TRHDE: variants seen among roughly 807,000 people sequenced by gnomAD.
TRHDE encodes thyrotropin-releasing hormone-degrading ectoenzyme.
TRHDE carries 72 observed loss-of-function variants against 125.7 expected under a neutral mutation model. The ratio of observed to expected loss-of-function variants is 0.57; its 90% confidence interval spans 0.47 to 0.70. TRHDE has a LOEUF of 0.70. TRHDE is among the 30% of genes least tolerant of loss of function. The pLI is 0.00. For missense variants in TRHDE, 1,110 were observed against 1,327.1 expected (o/e 0.84, Z 2.54); for synonymous variants, 509 against 509.1 (o/e 1.00, Z 0.00).
chr12:72,473,295 CAAT>C, intron 5 of TRHDE, 115 bp downstream of exon 5: 2 of 706,004 alleles, frequency 2.8e-6, no homozygotes, highest in Non-Finnish European at 4.7e-6. Flanking sequence ...GAAAATGTAT[CAAT>C]AAAGTGTAAC....
intron 2 of TRHDE, among the ~76,000 whole-genome samples, chr12:72,325,980 C>T (rs1322613345): frequency 6.6e-6 from 1 of 152,056 alleles, no homozygotes; most frequent in Non-Finnish European, 1.5e-5. Context: ...TCTTGTGGCA[C>T]CACTCAAAAC....
rs1555168852 is a variant in TRHDE at position 72,210,199 on chromosome 12, T to TATCTATC, written n.279+104448_279+104454dup. On this transcript the variant is annotated intron_variant and non_coding_transcript_variant, in intron 2 of 4. Transcript: ENST00000548156. The stretch of plus-strand genomic sequence containing the variant: ...CTATCTATCTATCTATCTATCTATC[T>TATCTATC]ATCTATCTACTTTCTGATAAAGTAG... Among the ~76,000 whole-genome samples, 768 of 151,978 alleles carry TATCTATC rather than the reference T, an allele frequency of 5.1e-3. 2 individuals are homozygous for TATCTATC. Among genetic ancestry groups the TATCTATC allele is most frequent in the African/African-American group, 0.016 (674 of 41,378 alleles).
chr12:72,471,445 G>C (rs1395194533), intron 4 of TRHDE, among the ~76,000 whole-genome samples: 1 of 152,186 alleles, frequency 6.6e-6, no homozygotes, highest in Non-Finnish European at 1.5e-5. Context: ...CACCGATAAT[G>C]TGTAATTGTT....
At chr12:72,427,748 A>G (rs1368921648) in intron 3 of TRHDE, among the ~76,000 whole-genome samples, 1 of 152,164 alleles carries the variant, frequency 6.6e-6, no homozygotes, top group African/African-American at 2.4e-5. Context: ...ATAATCTGCC[A>G]TCTGAGATTG....
chr12:72,421,759 A>G (rs190958921), intron 3 of TRHDE, among the ~76,000 whole-genome samples: 2 of 152,296 alleles, frequency 1.3e-5, no homozygotes, highest in Non-Finnish European at 2.9e-5. Context: ...TAAAGTGGAA[A>G]CATCTAGGAA....
At chr12:72,550,128 A>C (rs920373001) in intron 7 of TRHDE, among the ~76,000 whole-genome samples, 5 of 151,944 alleles carry the variant, frequency 3.3e-5, no homozygotes, top group African/African-American at 7.2e-5. Flanking sequence ...TTGGTTATTT[A>C]AATGTATCTA....
chr12:72,269,613 A>G (rs538240769), upstream of TRHDE, among the ~76,000 whole-genome samples: 10 of 152,318 alleles, frequency 6.6e-5, no homozygotes, highest in Non-Finnish European at 1.3e-4. Flanking sequence ...AGTGAGGGAA[A>G]GGGGAAAGAT....
intron 12 of TRHDE, among the ~76,000 whole-genome samples, chr12:72,604,058 G>C (rs538696260): frequency 6.6e-6 from 1 of 152,072 alleles, no homozygotes; most frequent in South Asian, 2.1e-4. Context: ...TAAAAAAAAA[G>C]AACAATGAAA....
chr12:72,320,543 C>CTGTGTGTGTGTGTGTGTG (rs59244019), intron 2 of TRHDE, among the ~76,000 whole-genome samples: 1 of 143,080 alleles, frequency 7.0e-6, no homozygotes, highest in Non-Finnish European at 1.5e-5. Context: ...AGAGGGTTGA[C>CTGTGTGTGTGTGTGTGTG]TGTGTGTGTG....
intron 3 of TRHDE, among the ~76,000 whole-genome samples, chr12:72,460,664 T>C (rs146111169): frequency 2.0e-5 from 3 of 152,286 alleles, no homozygotes; most frequent in East Asian, 3.9e-4. Flanking sequence ...ATCTTTGTTA[T>C]ATAACAAGTA....
chr12:72,215,608 T>C (rs971515976), intron 2 of TRHDE, among the ~76,000 whole-genome samples: 6 of 152,172 alleles, frequency 3.9e-5, no homozygotes, highest in African/African-American at 1.4e-4. Flanking sequence ...ATGGCAATAG[T>C]GTAGTTTGGG....
chr12:72,524,149 A>T lies in TRHDE; in HGVS notation c.1723-18142A>T, dbSNP rs1868293648. On this transcript the variant is annotated intron_variant, in intron 6 of 18. Coordinates refer to ENST00000261180, the MANE Select transcript of TRHDE (RefSeq NM_013381.3). ...TCTCAATGATATACATGAAGAGGCT[A>T]ATTTATTTTTTTGAGAACAGCTGAA... Among the ~76,000 whole-genome samples, 3 of 152,140 alleles carry T rather than the reference A, an allele frequency of 2.0e-5. No homozygotes were observed. In the South Asian group the frequency reaches 6.2e-4, roughly 31 times the overall value.
At chr12:72,605,052 A>G (rs968234330) in intron 12 of TRHDE, among the ~76,000 whole-genome samples, 2 of 152,056 alleles carry the variant, frequency 1.3e-5, no homozygotes, top group African/African-American at 4.8e-5. Context: ...TGAATAGTGT[A>G]TTTTGAATTT....
At chr12:72,424,622 G>C (rs1255624037) in intron 3 of TRHDE, among the ~76,000 whole-genome samples, 1 of 152,118 alleles carries the variant, frequency 6.6e-6, no homozygotes, top group Admixed American at 6.6e-5. Flanking sequence ...CAACTCAAAT[G>C]CTGTCTCATC....
At chr12:72,147,438 C>G (rs1030148642) in intron 2 of TRHDE, 4 of 152,150 alleles carry the variant, frequency 2.6e-5, no homozygotes. Flanking sequence ...GAGCTGAGTG[C>G]TAAGTTTACC....
intron 15 of TRHDE, among the ~76,000 whole-genome samples, chr12:72,630,186 A>G (rs1873434750): frequency 1.3e-5 from 2 of 151,692 alleles, no homozygotes; most frequent in South Asian, 4.1e-4. Flanking sequence ...TCAAATCCTA[A>G]TCCCCACATG....
intron 2 of TRHDE, among the ~76,000 whole-genome samples, chr12:72,210,615 C>T (rs1226735710): frequency 6.6e-6 from 1 of 151,974 alleles, no homozygotes; most frequent in Non-Finnish European, 1.5e-5. Flanking sequence ...TAATGAGAAC[C>T]AGTAAGATGT....
chr12:72,150,758 A>T (rs945370077), intron 2 of TRHDE, among the ~76,000 whole-genome samples: 3 of 151,902 alleles, frequency 2.0e-5, no homozygotes, highest in Non-Finnish European at 4.4e-5. Context: ...ATAGTATTCC[A>T]TGGTGTATAT....
chr12:72,654,320 T>A (rs148883541), intron 17 of TRHDE, among the ~76,000 whole-genome samples: 1 of 152,248 alleles, frequency 6.6e-6, no homozygotes, highest in East Asian at 1.9e-4. Context: ...ATGATCTCCA[T>A]CCTATCTAAA....
Sources: allele counts gnomAD v4.1 joint callset (sites outside exome capture counted in the v4.1 genomes callset), GRCh38; gene constraint gnomAD v4.1.1; transcripts MANE v1.5; gene names NCBI Gene and HGNC (gene_info 2026-07-23, HGNC 2026-07-21).